Variants in SAFB observed in about 807,000 individuals in gnomAD.
SAFB encodes the protein scaffold attachment factor B.
SAFB carries 15 observed loss-of-function variants against 101.6 expected under a neutral mutation model. The observed-to-expected ratio is 0.15, with a 90% CI of 0.10 to 0.23. The LOEUF (loss-of-function observed/expected upper bound fraction) is 0.23. Among genes scored for constraint, SAFB ranks in the 10% least tolerant of loss-of-function variants. The pLI is 1.00. For missense variants in SAFB, 930 were observed against 1,104.1 expected (o/e 0.84, Z 2.23); for synonymous variants, 449 against 407.5 (o/e 1.10, Z -1.23).
Position 5,647,997 on chromosome 19 carries a change from T to A in SAFB, c.610-19T>A. ...GTGTCATTCATCTGGCACAGTCTTA[T>A]TTACGTTTTTTCTTGCAGGAAATTG... is the stretch of plus-strand genomic sequence containing the variant. On this transcript the variant is annotated intron_variant, in intron 5 of 20. Transcript: ENST00000588852. The A allele has an allele frequency of 6.2e-7, 1 of 1,610,158 alleles. No individual in the cohort carries two copies. The highest frequency in any genetic ancestry group is 1.3e-5 in the African/African-American group (1 of 74,972).
intron 1 of SAFB, among the ~76,000 whole-genome samples, 196 bp downstream of exon 1, chr19:5,623,590 G>T (rs1043311076): frequency 2.6e-5 from 4 of 152,074 alleles, no homozygotes; most frequent in Non-Finnish European, 4.4e-5. Context: ...AAATCCTAAC[G>T]CCGCAATGGG....
At chr19:5,661,079 G>T (rs2054190742) in intron 14 of SAFB, among the ~76,000 whole-genome samples, 1 of 150,866 alleles carries the variant, frequency 6.6e-6, no homozygotes, top group Admixed American at 6.7e-5. Context: ...GTGCCACCAT[G>T]CCCAGCTAAT....
Position 5,661,693 on chromosome 19 carries a change from C to T in SAFB, c.2038C>T (p.Arg680Cys), listed in dbSNP as rs1289784656. 6.2e-7 allele frequency: 1 copy of T among 1,607,214 alleles called. No homozygotes were observed. Among genetic ancestry groups the T allele is most frequent in the Non-Finnish European group, 8.5e-7 (1 of 1,178,040 alleles). The change falls in exon 15 of 21, where the codon CGC (arginine) becomes TGC (cysteine). Residue 680 changes from arginine (R) to cysteine (C), a missense_variant. By Grantham distance (180) the Arg-to-Cys change is radical. Transcript: ENST00000588852. ...ERERMHVEHERRREQERIHRE... is the reference protein window; with the variant it reads ...ERERMHVEHECRREQERIHRE... ...CGAACGCATGCACGTGGAGCACGAG[C>T]GCAGGCGCGAGCAGGAGCGCATCCA... is the stretch of plus-strand genomic sequence containing the variant.
rs1302929533 is a variant in SAFB at position 5,667,811 on chromosome 19, G to C, written c.2558-9G>C. On this transcript the variant is annotated splice_polypyrimidine_tract_variant and intron_variant, in intron 19 of 20. Coordinates refer to ENST00000588852, the MANE Select transcript of SAFB (RefSeq NM_001201338.2). This position sits in a 1 kb window ranked among gnomAD's most constrained non-coding sequence, Gnocchi z 4.0. ...AAGTTCCCTGTGTGAAAGCACGTCT[G>C]TCTTCCAGGTGGCGAGAGAAGCATG... 1 of 1,613,958 alleles carries C rather than the reference G, an allele frequency of 6.2e-7. No homozygotes were observed. The highest frequency in any genetic ancestry group is 8.5e-7 in the Non-Finnish European group (1 of 1,179,938).
intron 4 of SAFB, among the ~76,000 whole-genome samples, chr19:5,644,131 T>C (rs1449442471): frequency 6.6e-6 from 1 of 152,188 alleles, no homozygotes; most frequent in Non-Finnish European, 1.5e-5. Context: ...AATGAAGTTT[T>C]CTGAGAGCAC....
intron 5 of SAFB, among the ~76,000 whole-genome samples, chr19:5,647,128 G>A (rs866033726): frequency 2.6e-5 from 4 of 152,190 alleles, no homozygotes; most frequent in African/African-American, 7.2e-5. Flanking sequence ...AAACATAAAG[G>A]CTGGGGGATC....
intron 1 of SAFB, among the ~76,000 whole-genome samples, chr19:5,624,845 A>T (rs1387344813): frequency 6.6e-6 from 1 of 152,172 alleles, no homozygotes; most frequent in Non-Finnish European, 1.5e-5. Context: ...ACTGATCTAC[A>T]TATTTACCCA....
chr19:5,637,299 G>C (rs527746420), intron 2 of SAFB, among the ~76,000 whole-genome samples: 2 of 148,042 alleles, frequency 1.4e-5, no homozygotes, highest in Non-Finnish European at 3.0e-5. Flanking sequence ...AGCCAAGATC[G>C]TGCCACTGCT....
At chr19:5,637,917 A>G (rs1423110299) in intron 2 of SAFB, among the ~76,000 whole-genome samples, 1 of 152,198 alleles carries the variant, frequency 6.6e-6, no homozygotes, top group African/African-American at 2.4e-5. Context: ...TTTATTCTTC[A>G]CATGGAAGAC....
In SAFB at chr19:5,661,910, A is replaced by C. The variant is rs897555975; in HGVS notation, c.2153+102A>C. The C allele has an allele frequency of 1.3e-4, 116 of 869,270 alleles. No homozygotes were observed. In the African/African-American group the frequency reaches 1.8e-3, roughly 14 times the overall value. 53.8% of individuals were successfully genotyped at this position (869,270 alleles called of 1,614,324 possible). On this transcript the variant is annotated intron_variant, in intron 15 of 20. Coordinates refer to ENST00000588852, the MANE Select transcript of SAFB (RefSeq NM_001201338.2). ...ATTTTTTTTTTTTTTTTTGAGACGG[A>C]GTCTTGCTTTGTCGCGGAGGCTGGA... is the stretch of plus-strand genomic sequence containing the variant.
Position 5,664,434 on chromosome 19 carries a change from G to A in SAFB, c.2329G>A (p.Gly777Arg). ...AAGGTCAATGATGGGAGAACGAGAA[G>A]GACAGGTAAGTCTGAAGCTACAGTG... is the stretch of plus-strand genomic sequence containing the variant. ...GSRSMMGERE[G>R]QHYPERHGGP... Residue 777 changes from glycine to arginine, a missense_variant, in exon 17 of 21, where the codon GGA (glycine) becomes AGA (arginine). Coordinates refer to ENST00000588852, the MANE Select transcript of SAFB (RefSeq NM_001201338.2). 1 of 1,612,862 alleles carries A rather than the reference G, an allele frequency of 6.2e-7. No homozygotes were observed. The highest frequency in any genetic ancestry group is 1.7e-4 in the Middle Eastern group (1 of 6,060).
At chr19:5,664,246 C>T in intron 16 of SAFB, 87 bp downstream of exon 16, 1 of 1,489,652 alleles carries the variant, frequency 6.7e-7, no homozygotes, top group Non-Finnish European at 9.3e-7. Context: ...TCTCTGAACC[C>T]ACTCCGTTCA....
chr19:5,645,911 A>C (rs2145439758), intron 5 of SAFB, among the ~76,000 whole-genome samples: 1 of 151,984 alleles, frequency 6.6e-6, no homozygotes, highest in East Asian at 1.9e-4. Flanking sequence ...GTTTTTTCTG[A>C]AATTGCCCAG....
chr19:5,652,947 A>T (rs1963904285), intron 9 of SAFB, among the ~76,000 whole-genome samples, 168 bp from the exon 10 acceptor site: 1 of 152,190 alleles, frequency 6.6e-6, no homozygotes, highest in African/African-American at 2.4e-5. Flanking sequence ...AACTGGCCAG[A>T]GGTCCTTGGA....
rs397831727 is a variant in SAFB, at chr19:5,667,077, G to A, written c.2366G>A (p.Arg789His). 11 of 1,612,134 alleles carry A rather than the reference G, an allele frequency of 6.8e-6. No individual in the cohort carries two copies. Among genetic ancestry groups the A allele is most frequent in the South Asian group, 4.4e-5 (4 of 91,052 alleles). ...HYPERHGGPERHGRDSRDGWG... is the reference protein window; with the variant it reads ...HYPERHGGPEHHGRDSRDGWG... ...CCAGAACGCCATGGAGGACCAGAGC[G>A]CCACGGCCGGGACTCCCGCGATGGC... Residue 789 changes from arginine to histidine, a missense_variant, in exon 18 of 21, where the codon CGC becomes CAC. Physicochemically the swap from Arg to His is conservative, Grantham distance 29 (BLOSUM62 0). Transcript: ENST00000588852. The surrounding 1 kb of genome is among the most constrained non-coding windows in gnomAD (Gnocchi z 4.0).
rs1209494986 is a variant in SAFB at position 5,668,425 on chromosome 19, G to A, written c.*134G>A. The A allele has an allele frequency of 3.4e-5, 33 of 976,778 alleles. No homozygotes were observed. Among genetic ancestry groups the A allele is most frequent in the African/African-American group, 2.1e-4 (12 of 56,508 alleles). 60.5% of individuals were successfully genotyped at this position (976,778 alleles called of 1,614,324 possible). ...TCAATACAATGTGAATTTGTTTTTC[G>A]TTTTGGGGTTTTTTTTTTTTGTAAT... On this transcript the variant is annotated 3_prime_UTR_variant, in exon 21 of 21. Coordinates refer to ENST00000588852, the MANE Select transcript of SAFB (RefSeq NM_001201338.2).
In SAFB at chr19:5,623,240, G is replaced by T; in HGVS notation, c.35G>T (p.Gly12Val). ...AETLSGLGDS[G>V]AAGAAALSSA... ...ACTCTGTCAGGCCTAGGTGATTCTG[G>T]AGCGGCGGGCGCGGCGGCTCTGAGC... is the stretch of plus-strand genomic sequence containing the variant. The change falls in exon 1 of 21, where the codon GGA becomes GTA. Residue 12 changes from glycine (G) to valine (V), a missense_variant. This residue lies in a region of SAFB where 44 missense variants were observed against 35.8 expected (regional missense o/e 1.23). Coordinates refer to ENST00000588852, the MANE Select transcript of SAFB (RefSeq NM_001201338.2). 6.4e-7 allele frequency: 1 copy of T among 1,555,166 alleles called. No individual in the cohort carries two copies. The highest frequency in any genetic ancestry group is 1.2e-5 in the South Asian group (1 of 85,250).
At position 5,626,882 on chromosome 19, in the gene SAFB, A is replaced by C. The variant is rs1019069461; in HGVS notation, c.274+393A>C. On this transcript the variant is annotated intron_variant, in intron 2 of 20. Coordinates refer to ENST00000588852, the MANE Select transcript of SAFB (RefSeq NM_001201338.2). ...GCAACATAGCAAAACCCAGCTCTACAAAAAAACTTTTAAAGGCCCGGTGTG... is the reference window on the plus strand; with the variant it reads ...GCAACATAGCAAAACCCAGCTCTACCAAAAAACTTTTAAAGGCCCGGTGTG... Among the ~76,000 whole-genome samples the C allele has an allele frequency of 2.0e-5, 3 of 152,112 alleles. No individual in the cohort carries two copies. In the East Asian group the frequency reaches 5.8e-4, roughly 29 times the overall value.
Position 5,626,293 on chromosome 19 carries a change from C to T in SAFB, c.190-112C>T, listed in dbSNP as rs146099909. 148 of 681,816 alleles carry T rather than the reference C, an allele frequency of 2.2e-4. 1 individual carries two copies. In the African/African-American group the frequency reaches 2.2e-3, roughly 10 times the overall value. 42.2% of individuals were successfully genotyped at this position (681,816 alleles called of 1,614,324 possible). ...GGCCACAGGTCCTGGGTGGTGAGGG[C>T]GGCAGCAGCTTTTTGATCTTAAAAA... On this transcript the variant is annotated intron_variant, in intron 1 of 20. Coordinates refer to ENST00000588852, the MANE Select transcript of SAFB (RefSeq NM_001201338.2).
Sources: allele counts gnomAD v4.1 joint callset (sites outside exome capture counted in the v4.1 genomes callset), GRCh38; gene constraint gnomAD v4.1.1; regional missense constraint gnomAD v4.1.1; non-coding constraint Gnocchi (gnomAD v3.1); transcripts MANE v1.5; gene names NCBI Gene and HGNC (gene_info 2026-07-23, HGNC 2026-07-21).